The following TEX15 variants were observed in gnomAD, a reference collection of about 807,000 sequenced individuals.
TEX15 encodes testis expressed 15, meiosis and synapsis associated, also known as testis-expressed protein 15.
A neutral mutation model predicts 237.3 loss-of-function variants in TEX15; 171 were observed. The ratio of observed to expected loss-of-function variants is 0.72; its 90% CI spans 0.64 to 0.82. The LOEUF (loss-of-function observed/expected upper bound fraction) is 0.82, where lower values mean the gene tolerates loss of function less well. Among genes scored for constraint, TEX15 ranks in the 40% least tolerant of loss-of-function variants. The probability of loss-of-function intolerance (pLI) is 0.00; values close to 1 mark genes in which losing one functional copy is unlikely to be tolerated. For missense variants in TEX15, 3,750 were observed against 3,646.5 expected (o/e 1.03, Z -0.73); for synonymous variants, 1,338 against 1,269.8 (o/e 1.05, Z -1.14).
intron 1 of TEX15, among the ~76,000 whole-genome samples, chr8:30,912,573 G>A (rs920174799): frequency 1.3e-5 from 2 of 152,182 alleles, no homozygotes; most frequent in Admixed American, 6.5e-5. Flanking sequence ...GGCTCAGCGG[G>A]GGCAGAGGGA....
intron 7 of TEX15, among the ~76,000 whole-genome samples, chr8:30,852,102 T>TC (rs1807801136): frequency 9.6e-6 from 1 of 103,892 alleles, no homozygotes; most frequent in South Asian, 3.8e-4. Context: ...AATTTAATCT[T>TC]TTTTTTTTTT....
chr8:30,902,122 C>T (rs977092536), intron 1 of TEX15, among the ~76,000 whole-genome samples: 1 of 152,096 alleles, frequency 6.6e-6, no homozygotes, highest in African/African-American at 2.4e-5. Flanking sequence ...ACAAGTTCTC[C>T]AGGTGATTCT....
At chr8:30,907,265 C>G (rs902526007) in intron 1 of TEX15, among the ~76,000 whole-genome samples, 1 of 151,980 alleles carries the variant, frequency 6.6e-6, no homozygotes, top group Non-Finnish European at 1.5e-5. Flanking sequence ...CATTTCTCTG[C>G]CTAGAATGCT....
At chr8:30,894,467 A>G (rs999934478) in intron 2 of TEX15, among the ~76,000 whole-genome samples, 3 of 152,194 alleles carry the variant, frequency 2.0e-5, no homozygotes, top group Non-Finnish European at 4.4e-5. Flanking sequence ...CACTATTTCC[A>G]TAACTCATAT....
rs1033600990 is a variant in TEX15, at chr8:30,874,971, T to G, written c.268A>C (p.Asn90His). ...GTAAAATTTTTTTCCAGTTCCTCAT[T>G]GTGAACCAGTTTTGTATCCCCAAAC... is the stretch of plus-strand genomic sequence containing the variant. The part of the protein sequence containing the change: ...WQFGDTKLVH[N>H]EELEKNFTAK... The change falls in exon 4 of 11, where the codon AAT becomes CAT. Residue 90 changes from asparagine to histidine, a missense_variant. Coordinates refer to ENST00000643185, the MANE Select transcript of TEX15 (RefSeq NM_001350162.2). 1.5e-6 allele frequency: 2 copies of G among 1,365,552 alleles called. No homozygotes were observed. The highest frequency in any genetic ancestry group is 1.9e-6 in the Non-Finnish European group (2 of 1,059,496). 84.6% of individuals were successfully genotyped at this position (1,365,552 alleles called of 1,614,324 possible). A position where few individuals can be genotyped will look rare whatever the true frequency, so the allele number is the denominator to read the frequency against.
In TEX15 at chr8:30,844,933, A is replaced by C. The variant is rs1807559695; in HGVS notation, c.5234T>G (p.Val1745Gly). 1 of 1,613,400 alleles carries C rather than the reference A, an allele frequency of 6.2e-7. No homozygotes were observed. The highest frequency in any genetic ancestry group is 8.5e-7 in the Non-Finnish European group (1 of 1,179,582). The change falls in exon 8 of 11, where the codon GTA (valine) becomes GGA (glycine). Residue 1745 changes from valine (V) to glycine (G), a missense_variant. By Grantham distance (109) the Val-to-Gly change is moderately radical. Coordinates refer to ENST00000643185, the MANE Select transcript of TEX15 (RefSeq NM_001350162.2). ...SYLDKQRILT[V>G]DSFAASSTVP... The stretch of plus-strand genomic sequence containing the variant: ...AGTACTGGATGCTGCAAAAGAATCT[A>C]CAGTAAGAATTCTCTGCTTATCCAA...
Position 30,847,707 on chromosome 8 carries a change from A to G in TEX15, c.2460T>C (p.Ile820=). 6.2e-7 allele frequency: 1 copy of G among 1,613,798 alleles called. No homozygotes were observed. Among genetic ancestry groups the G allele is most frequent in the Non-Finnish European group, 8.5e-7 (1 of 1,179,906 alleles). Residue 820 remains isoleucine, a synonymous_variant, in exon 8 of 11, where the codon ATT becomes ATC. Coordinates refer to ENST00000643185, the MANE Select transcript of TEX15 (RefSeq NM_001350162.2). The stretch of plus-strand genomic sequence containing the variant: ...AAGCAGTTTCTTTATAGTCTCTCTG[A>G]ATGTTCTCTAATGACACTGGTTCAT... The part of the protein sequence containing the change: ...NENEPVSLEN[I]QRDYKETAYV...
intron 3 of TEX15, among the ~76,000 whole-genome samples, chr8:30,879,927 CTTT>C (rs55942711): frequency 0.12 from 16,783 of 136,794 alleles, 1,509 homozygotes; most frequent in African/African-American, 0.33. Context: ...TTTAGATTTC[CTTT>C]TTTTTTTTAA....
chr8:30,865,216 A>G (rs1263493524), intron 5 of TEX15, among the ~76,000 whole-genome samples: 1 of 152,118 alleles, frequency 6.6e-6, no homozygotes, highest in Non-Finnish European at 1.5e-5. Flanking sequence ...TGGAAAACCC[A>G]AAAGAAATAG....
At chr8:30,835,224 C>A (rs192791824) in intron 10 of TEX15, among the ~76,000 whole-genome samples, 13 of 152,130 alleles carry the variant, frequency 8.5e-5, no homozygotes, top group Middle Eastern at 3.4e-3. Context: ...CATGCCTCAC[C>A]TTCCTGAGTA....
chr8:30,875,062 A>T lies in TEX15; in HGVS notation c.177T>A (p.Ser59Arg). The change falls in exon 4 of 11, where the codon AGT becomes AGA. Residue 59 changes from serine (S) to arginine (R), a missense_variant. Physicochemically the swap from Ser to Arg is moderately radical, Grantham distance 110. Coordinates refer to ENST00000643185, the MANE Select transcript of TEX15 (RefSeq NM_001350162.2). ...SPCYTNSREY[S>R]FIHDTLNQCR... is the part of the protein sequence containing the mutation. ...ACTGGTTAAGAGTATCATGTATAAA[A>T]CTATACTCTCTACTATTGGTGTAAC... 1 of 1,287,050 alleles carries T rather than the reference A, an allele frequency of 7.8e-7. No individual in the cohort carries two copies. The highest frequency in any genetic ancestry group is 9.9e-7 in the Non-Finnish European group (1 of 1,014,978). 79.7% of individuals were successfully genotyped at this position (1,287,050 alleles called of 1,614,324 possible).
Position 30,839,961 on chromosome 8 carries a change from C to T in TEX15, c.8167G>A (p.Asp2723Asn). The T allele has an allele frequency of 6.3e-7, 1 of 1,589,554 alleles. No individual in the cohort carries two copies. The highest frequency in any genetic ancestry group is 8.6e-7 in the Non-Finnish European group (1 of 1,167,598). ...TVSSCKKLKV[D>N]MKDVTKINRE... ...TTGATTTTTGTGACATCTTTCATGT[C>T]TACCTGTGTTTAAAAGATACAAAGA... Residue 2723 changes from aspartate to asparagine, a missense_variant, in exon 9 of 11, where the codon GAC becomes AAC. Coordinates refer to ENST00000643185, the MANE Select transcript of TEX15 (RefSeq NM_001350162.2).
In TEX15 at chr8:30,844,794, A is replaced by G. The variant is rs750166095; in HGVS notation, c.5373T>C (p.Tyr1791=). ...DGNETNVTEN[Y]ELDVASGTEE... is the part of the protein sequence containing the mutation. ...CAGTTCCTGATGCTACATCCAACTC[A>G]TAATTCTCAGTGACATTTGTTTCAT... Residue 1791 remains tyrosine, a synonymous_variant, in exon 8 of 11, where the codon TAT becomes TAC. Transcript: ENST00000643185. The G allele has an allele frequency of 9.9e-6, 16 of 1,613,500 alleles. No homozygotes were observed. In the Middle Eastern group the frequency reaches 4.9e-4, roughly 50 times the overall value.
chr8:30,842,030 T>C lies in TEX15; in HGVS notation c.8137A>G (p.Thr2713Ala), dbSNP rs1472132282. Residue 2713 changes from threonine (T) to alanine (A), a missense_variant, in exon 8 of 11, where the codon ACT becomes GCT. Thr to Ala is a moderately conservative substitution (Grantham distance 58). Transcript: ENST00000643185. Reference sequence around the variant, plus strand: ...TTTAGCTTTTTACAACTGGAAACAGTAGTATCTTGCTGTTGTTCCTGAGAG... The same window carrying C: ...TTTAGCTTTTTACAACTGGAAACAGCAGTATCTTGCTGTTGTTCCTGAGAG... ...EDSQEQQQDT[T>A]VSSCKKLKVD... 1.2e-6 allele frequency: 2 copies of C among 1,600,768 alleles called. No individual in the cohort carries two copies. The highest frequency in any genetic ancestry group is 4.5e-5 in the East Asian group (2 of 44,776).
intron 7 of TEX15, among the ~76,000 whole-genome samples, chr8:30,855,555 A>G (rs1213086599): frequency 6.6e-6 from 1 of 152,212 alleles, no homozygotes; most frequent in Non-Finnish European, 1.5e-5. Context: ...TAGTTACTAC[A>G]GAGTCTTCAT....
In TEX15 at chr8:30,837,263, G is replaced by A. The variant is rs140139462; in HGVS notation, c.9021C>T (p.Val3007=). Residue 3007 remains valine, a synonymous_variant, in exon 10 of 11, where the codon GTC becomes GTT. Transcript: ENST00000643185. ...AATATGTGGCAGCATTCTGCATTAG[G>A]ACTTTTGAATTTTTGTCATTCTGTT... The part of the protein sequence containing the change: ...SEQQNDKNSK[V]LMQNAATYWN... 6.2e-7 allele frequency: 1 copy of A among 1,614,146 alleles called. No individual in the cohort carries two copies. The highest frequency in any genetic ancestry group is 1.3e-5 in the African/African-American group (1 of 75,040).
chr8:30,887,055 A>C (rs181457901), intron 3 of TEX15, 112 bp downstream of exon 3: 1 of 919,172 alleles, frequency 1.1e-6, no homozygotes, highest in Non-Finnish European at 1.6e-6. Context: ...GGAATTAGAG[A>C]CCTGAATTAA....
chr8:30,846,581 CCTTA>C lies in TEX15; in HGVS notation c.3582_3585del (p.Asn1194LysfsTer7), dbSNP rs750623519. On this transcript the variant is annotated frameshift_variant, in exon 8 of 11. Coordinates refer to ENST00000643185, the MANE Select transcript of TEX15 (RefSeq NM_001350162.2). LOFTEE classifies it high-confidence loss of function. The stretch of plus-strand genomic sequence containing the variant: ...TCAAATCCTAGAATTTCTCCATCTT[CCTTA>C]TTTATTTCCGGTTTTGTGGCTTCAG... 1 of 1,613,814 alleles carries C rather than the reference CCTTA, an allele frequency of 6.2e-7. No individual in the cohort carries two copies. Among genetic ancestry groups the C allele is most frequent in the South Asian group, 1.1e-5 (1 of 91,054 alleles).
Position 30,848,791 on chromosome 8 carries a change from T to A in TEX15, c.1376A>T (p.Glu459Val), listed in dbSNP as rs761407869. 4.3e-6 allele frequency: 7 copies of A among 1,614,080 alleles called. No individual in the cohort carries two copies. In the African/African-American group the frequency reaches 8.0e-5, roughly 18 times the overall value. ...TGAATTAACATTATCTGAACTCTTC[T>A]CAAATTGCAAAACCTCATTTAAGCC... ...TAGLNEVLQF[E>V]KSSDNVNSEI... The change falls in exon 8 of 11, where the codon GAG (glutamate) becomes GTG (valine). Residue 459 changes from glutamate to valine, a missense_variant. Transcript: ENST00000643185.
Sources: gnomAD v4.1 joint callset for allele counts (sites outside exome capture counted in the v4.1 genomes callset) on GRCh38, gnomAD v4.1.1 for gene constraint, MANE v1.5 for transcripts, NCBI Gene and HGNC (gene_info 2026-07-23, HGNC 2026-07-21) for gene names.